The following CGNL1 variants were observed in gnomAD, a reference collection of about 807,000 sequenced individuals.
CGNL1 encodes cingulin like 1, also known as cingulin-like protein 1.
In CGNL1, 132 loss-of-function variants were observed where a neutral mutation model predicts 141.2. The observed-to-expected ratio is 0.93, with a 90% confidence interval of 0.81 to 1.08. The LOEUF (loss-of-function observed/expected upper bound fraction) is 1.08. Ranked by LOEUF, CGNL1 falls within the 50% of genes least tolerant of loss-of-function variation. CGNL1 has a pLI of 0.00. For synonymous variants in CGNL1, 690 were observed against 622.1 expected (o/e 1.11, Z -1.63); for missense variants, 1,870 against 1,588.6 (o/e 1.18, Z -3.01).
At chr15:57,452,328 T>C in intron 6 of CGNL1, 39 bp downstream of exon 6, 1 of 1,587,562 alleles carries the variant, frequency 6.3e-7, no homozygotes, top group Non-Finnish European at 8.6e-7. Context: ...CTTCCCAGGT[T>C]CTCTATGACA....
chr15:57,460,431 G>A (rs139275338), intron 7 of CGNL1, among the ~76,000 whole-genome samples: 1 of 152,274 alleles, frequency 6.6e-6, no homozygotes, highest in East Asian at 1.9e-4. Context: ...TCAAGAGTAT[G>A]GGTAGGAACA....
intron 1 of CGNL1, among the ~76,000 whole-genome samples, chr15:57,425,740 C>CA (rs35847617): frequency 0.12 from 13,787 of 114,066 alleles, 814 homozygotes; most frequent in Admixed American, 0.18. Context: ...GAGCCTGTCT[C>CA]AAAAAAAAAA....
chr15:57,406,886 G>A (rs1284681833), intron 1 of CGNL1: 1 of 152,226 alleles, frequency 6.6e-6, no homozygotes, highest in East Asian at 1.9e-4. Flanking sequence ...AAATACTGGT[G>A]CTTACTGTAC....
intron 4 of CGNL1, among the ~76,000 whole-genome samples, chr15:57,445,366 A>G (rs554246567): frequency 5.6e-4 from 85 of 152,330 alleles, no homozygotes; most frequent in Non-Finnish European, 1.1e-3. Flanking sequence ...TTTAATTGCC[A>G]CGTTTTCCTA....
chr15:57,435,152 G>A (rs952181768), intron 1 of CGNL1, among the ~76,000 whole-genome samples: 13 of 152,096 alleles, frequency 8.5e-5, no homozygotes, highest in East Asian at 1.9e-4. Flanking sequence ...GATCATTAAC[G>A]CTAGAAAAGT....
At chr15:57,487,305 CT>C (rs1417565449) in intron 8 of CGNL1, among the ~76,000 whole-genome samples, 2 of 151,114 alleles carry the variant, frequency 1.3e-5, no homozygotes, top group African/African-American at 4.9e-5. Flanking sequence ...GCTTATTCAA[CT>C]TTTTTTTTAA....
chr15:57,403,908 C>G (rs1400643105), intron 1 of CGNL1, among the ~76,000 whole-genome samples: 2 of 152,204 alleles, frequency 1.3e-5, no homozygotes, highest in East Asian at 3.9e-4. Flanking sequence ...AGCCTAGTTG[C>G]CTCCCCTGAC....
Position 57,516,707 on chromosome 15 carries a change from C to G in CGNL1, c.2404-73C>G, listed in dbSNP as rs963530418. ...GGCACAATGGGTTTTTCATAAATGC[C>G]AGCCATTCTTCCAGCCTGGGGACAG... On this transcript the variant is annotated intron_variant, in intron 8 of 18. Coordinates refer to ENST00000281282, the MANE Select transcript of CGNL1 (RefSeq NM_032866.5). The G allele has an allele frequency of 4.7e-6, 7 of 1,487,550 alleles. No individual in the cohort carries two copies. The African/African-American group carries it at 8.3e-5, about 18-fold the overall frequency. The allele number at this position is 1,487,550 out of a possible 1,614,324, so 92.1% of individuals were successfully genotyped here.
chr15:57,413,156 CCTT>C (rs2062809350), intron 1 of CGNL1, among the ~76,000 whole-genome samples: 1 of 151,750 alleles, frequency 6.6e-6, no homozygotes, highest in Non-Finnish European at 1.5e-5. Context: ...CCACACCCGG[CCTT>C]CTTCTCCTTC....
chr15:57,494,116 G>A (rs1424805686), intron 8 of CGNL1, among the ~76,000 whole-genome samples: 1 of 151,554 alleles, frequency 6.6e-6, no homozygotes, highest in African/African-American at 2.4e-5. Flanking sequence ...AATCTGCAAA[G>A]CAAGGGATGT....
chr15:57,389,031 T>TG (rs2062514283), intron 1 of CGNL1, among the ~76,000 whole-genome samples: 1 of 152,208 alleles, frequency 6.6e-6, no homozygotes, highest in African/African-American at 2.4e-5. Context: ...GAGGTGTTTT[T>TG]TTTTTCTTTT....
intron 8 of CGNL1, among the ~76,000 whole-genome samples, chr15:57,488,052 C>G (rs1036331227): frequency 6.6e-6 from 1 of 152,204 alleles, no homozygotes; most frequent in African/African-American, 2.4e-5. Flanking sequence ...TCCACATCCT[C>G]TCCCACACTT....
intron 8 of CGNL1, among the ~76,000 whole-genome samples, chr15:57,494,115 A>C (rs2063903881): frequency 6.6e-6 from 1 of 152,244 alleles, no homozygotes; most frequent in South Asian, 2.1e-4. Flanking sequence ...AAATCTGCAA[A>C]GCAAGGGATG....
chr15:57,457,640 C>A (rs560559970), intron 7 of CGNL1, among the ~76,000 whole-genome samples: 1 of 152,172 alleles, frequency 6.6e-6, no homozygotes, highest in Admixed American at 6.5e-5. Flanking sequence ...GTGAAAGGCA[C>A]CTCTCACATG....
chr15:57,534,979 T>A (rs1271808233), intron 14 of CGNL1, among the ~76,000 whole-genome samples: 1 of 150,974 alleles, frequency 6.6e-6, no homozygotes, highest in East Asian at 2.0e-4. Flanking sequence ...GTGATGGGAC[T>A]TAAGTGAATA....
In CGNL1 at chr15:57,442,488, A is replaced by C; in HGVS notation, c.1803+10A>C. ...CCAAGGAAATAACCAAGTAAATGGAAGTTTTGTATTTTGTAGAGTGCATTT... is the reference window on the plus strand; with the variant it reads ...CCAAGGAAATAACCAAGTAAATGGACGTTTTGTATTTTGTAGAGTGCATTT... On this transcript the variant is annotated intron_variant, in intron 4 of 18. Coordinates refer to ENST00000281282, the MANE Select transcript of CGNL1 (RefSeq NM_032866.5). The C allele has an allele frequency of 6.5e-7, 1 of 1,542,736 alleles. No homozygotes were observed. Among genetic ancestry groups the C allele is most frequent in the Non-Finnish European group, 9.0e-7 (1 of 1,115,514 alleles).
In CGNL1 at chr15:57,465,047, C is replaced by T. The variant is rs115792569; in HGVS notation, c.2403+3155C>T. ...GATTACAGATGTGAGCCACTGTGCGCGGCTTCCTTGCAGTTTCTTAAAGAG... is the reference window on the plus strand; with the variant it reads ...GATTACAGATGTGAGCCACTGTGCGTGGCTTCCTTGCAGTTTCTTAAAGAG... On this transcript the variant is annotated intron_variant, in intron 8 of 18. Transcript: ENST00000281282. 6.0e-3 allele frequency among the ~76,000 whole-genome samples: 909 copies of T among 152,148 alleles called. 8 individuals are homozygous for T. The highest frequency in any genetic ancestry group is 0.021 in the African/African-American group (857 of 41,496).
intron 8 of CGNL1, among the ~76,000 whole-genome samples, chr15:57,504,614 G>A (rs1452842928): frequency 2.0e-5 from 3 of 152,196 alleles, no homozygotes; most frequent in African/African-American, 7.2e-5. Context: ...GTCATGGCAG[G>A]GTTGGAGTTG....
chr15:57,450,229 G>A (rs2063305647), intron 4 of CGNL1, among the ~76,000 whole-genome samples: 1 of 152,124 alleles, frequency 6.6e-6, no homozygotes, highest in Admixed American at 6.6e-5. Context: ...TGTTGCCAGT[G>A]TTTTGAATTT....
Sources: gnomAD v4.1 joint callset for allele counts (sites outside exome capture counted in the v4.1 genomes callset) on GRCh38, gnomAD v4.1.1 for gene constraint, MANE v1.5 for transcripts, NCBI Gene and HGNC (gene_info 2026-07-23, HGNC 2026-07-21) for gene names.